Variants in GRM1 observed in about 807,000 individuals in gnomAD.
GRM1 encodes the protein glutamate metabotropic receptor 1, also known as metabotropic glutamate receptor 1.
In GRM1, 33 loss-of-function variants were observed where a neutral mutation model predicts 90.9. That is an observed-to-expected ratio of 0.36 (90% CI 0.28 to 0.49). The LOEUF (loss-of-function observed/expected upper bound fraction) is 0.49. Among genes scored for constraint, GRM1 ranks in the 20% least tolerant of loss-of-function variants. GRM1 has a pLI of 0.99. For synonymous variants in GRM1, 700 were observed against 613.2 expected (o/e 1.14, Z -2.09); for missense variants, 1,190 against 1,534.3 (o/e 0.78, Z 3.75).
At chr6:146,419,629 A>G (rs1311639895) in intron 7 of GRM1, among the ~76,000 whole-genome samples, 1 of 152,214 alleles carries the variant, frequency 6.6e-6, no homozygotes, top group Non-Finnish European at 1.5e-5. Flanking sequence ...CAGGCTTAAC[A>G]GGAATCACGA....
chr6:146,359,834 T>A (rs1242910288), intron 5 of GRM1, among the ~76,000 whole-genome samples: 1 of 152,144 alleles, frequency 6.6e-6, no homozygotes. Flanking sequence ...TACAGAGCAT[T>A]CACTATAAAT....
chr6:146,191,177 A>T (rs1215244235), intron 2 of GRM1, among the ~76,000 whole-genome samples: 1 of 152,096 alleles, frequency 6.6e-6, no homozygotes, highest in East Asian at 1.9e-4. Flanking sequence ...CTTAGTCTGG[A>T]TTAGGCTTCT....
At chr6:146,236,521 G>T (rs200175152) in intron 2 of GRM1, among the ~76,000 whole-genome samples, 3 of 152,106 alleles carry the variant, frequency 2.0e-5, no homozygotes, top group African/African-American at 7.2e-5. Context: ...CTGGTATTCT[G>T]GTCTAGCTTC....
chr6:146,119,655 A>T (rs946026684), intron 1 of GRM1, among the ~76,000 whole-genome samples: 1 of 152,194 alleles, frequency 6.6e-6, no homozygotes, highest in Non-Finnish European at 1.5e-5. Context: ...AGCTTTCTAC[A>T]TATGATTAGC....
At chr6:146,260,942 G>A (rs1262152989) in intron 2 of GRM1, among the ~76,000 whole-genome samples, 1 of 148,784 alleles carries the variant, frequency 6.7e-6, no homozygotes, top group Non-Finnish European at 1.5e-5. Context: ...TATATTTTTA[G>A]CATCTAGATA....
At position 146,434,389 on chromosome 6, in the gene GRM1, A is replaced by G. The variant is rs755308114; in HGVS notation, c.3178A>G (p.Asn1060Asp). ...AVLAGPGGPG[N>D]GLRSLYPPPP... ...GCTGGCAGGCCCCGGTGGTCCCGGG[A>G]ACGGGCTGCGGTCCCTGTACCCGCC... Residue 1060 changes from asparagine (N) to aspartate (D), a missense_variant, in exon 8 of 8, where the codon AAC becomes GAC. Asn to Asp is a conservative substitution (Grantham distance 23, BLOSUM62 1). Transcript: ENST00000282753. 65 of 1,613,174 alleles carry G rather than the reference A, an allele frequency of 4.0e-5. No homozygotes were observed. Among genetic ancestry groups the G allele is most frequent in the Non-Finnish European group, 5.4e-5 (64 of 1,179,646 alleles).
At chr6:146,076,782 G>T (rs1776201819) in intron 1 of GRM1, among the ~76,000 whole-genome samples, 1 of 152,188 alleles carries the variant, frequency 6.6e-6, no homozygotes, top group Non-Finnish European at 1.5e-5. Flanking sequence ...GATAGTATTT[G>T]TGCAAATTAG....
chr6:146,380,207 A>T (rs1776268104), intron 5 of GRM1, among the ~76,000 whole-genome samples: 1 of 152,136 alleles, frequency 6.6e-6, no homozygotes, highest in Admixed American at 6.5e-5. Context: ...AAGGTCTCCC[A>T]GAGCCCTGTG....
chr6:146,229,463 TAG>T (rs1247739349), intron 2 of GRM1, among the ~76,000 whole-genome samples: 1 of 151,154 alleles, frequency 6.6e-6, no homozygotes, highest in African/African-American at 2.4e-5. Context: ...GAGAGCAGAA[TAG>T]AGAGGGCATG....
At chr6:146,371,474 C>G (rs904116256) in intron 5 of GRM1, among the ~76,000 whole-genome samples, 2 of 152,028 alleles carry the variant, frequency 1.3e-5, no homozygotes, top group African/African-American at 4.8e-5. Context: ...TACAAACAAT[C>G]CAATTACAAT....
At chr6:146,429,128 T>C (rs1261773969) in intron 7 of GRM1, among the ~76,000 whole-genome samples, 1 of 152,164 alleles carries the variant, frequency 6.6e-6, no homozygotes, top group East Asian at 1.9e-4. Context: ...TGTGATATTC[T>C]CTAATTTTAG....
intron 2 of GRM1, among the ~76,000 whole-genome samples, chr6:146,300,805 T>C (rs1346062832): frequency 6.6e-6 from 1 of 152,256 alleles, no homozygotes; most frequent in East Asian, 1.9e-4. Context: ...TCAAGCACAG[T>C]CTAGTTTACA....
intron 1 of GRM1, among the ~76,000 whole-genome samples, chr6:146,112,691 C>T (rs9497453): frequency 0.084 from 12,781 of 152,200 alleles, 781 homozygotes; most frequent in African/African-American, 0.17. Context: ...TCAGATCACT[C>T]ACTCAGGGAC....
intron 2 of GRM1, among the ~76,000 whole-genome samples, chr6:146,211,709 C>A (rs1013918536): frequency 2.0e-5 from 3 of 152,206 alleles, no homozygotes; most frequent in African/African-American, 4.8e-5. Context: ...ATTGCTCAGA[C>A]AATAAACAAC....
At chr6:146,304,470 A>G in intron 2 of GRM1, 141 bp from the exon 3 acceptor site, 1 of 709,962 alleles carries the variant, frequency 1.4e-6, no homozygotes, top group Non-Finnish European at 2.6e-6. Flanking sequence ...CTCTCTACCA[A>G]AAAAAAAGTT....
chr6:146,371,410 G>C (rs1328988887), intron 5 of GRM1, among the ~76,000 whole-genome samples: 1 of 152,054 alleles, frequency 6.6e-6, no homozygotes, highest in East Asian at 1.9e-4. Context: ...AATGTACAAT[G>C]AGTGCATCAT....
chr6:146,372,813 G>A (rs1469541551), intron 5 of GRM1, among the ~76,000 whole-genome samples: 2 of 151,984 alleles, frequency 1.3e-5, no homozygotes, highest in African/African-American at 4.8e-5. Flanking sequence ...TGATGAATTG[G>A]TCTATGTGCC....
intron 2 of GRM1, among the ~76,000 whole-genome samples, chr6:146,208,613 CATT>C (rs1364533293): frequency 1.3e-5 from 2 of 152,062 alleles, no homozygotes; most frequent in Non-Finnish European, 2.9e-5. Flanking sequence ...CATTTATTGT[CATT>C]ATGCATTTTG....
chr6:146,182,443 A>G (rs1186139462), intron 2 of GRM1, among the ~76,000 whole-genome samples: 2 of 152,146 alleles, frequency 1.3e-5, no homozygotes, highest in African/African-American at 4.8e-5. Flanking sequence ...TTACAGCTGT[A>G]CATGCAGTGC....
Sources: allele counts gnomAD v4.1 joint callset (sites outside exome capture counted in the v4.1 genomes callset), GRCh38; gene constraint gnomAD v4.1.1; transcripts MANE v1.5; gene names NCBI Gene and HGNC (gene_info 2026-07-23, HGNC 2026-07-21).